Variants in SEMA6D observed in about 807,000 individuals in gnomAD.
SEMA6D encodes the protein semaphorin-6D.
In SEMA6D, 35 loss-of-function variants were observed where a neutral mutation model predicts 106.6. That is an observed-to-expected ratio of 0.33 (90% CI 0.25 to 0.44). SEMA6D has a LOEUF of 0.44. Ranked by LOEUF, SEMA6D falls within the 20% of genes least tolerant of loss-of-function variation. The pLI, the probability that SEMA6D is intolerant of heterozygous loss-of-function variation, is 1.00. For synonymous variants in SEMA6D, 499 were observed against 487.7 expected, an observed-to-expected ratio of 1.02 and a Z score of -0.31; for missense variants, 1,185 against 1,345.9, an observed-to-expected ratio of 0.88 and a Z score of 1.87.
At chr15:47,466,677 C>T (rs559855130) in intron 2 of SEMA6D, among the ~76,000 whole-genome samples, 162 of 150,852 alleles carry the variant, frequency 1.1e-3, no homozygotes, top group African/African-American at 3.5e-3. Context: ...GAATATATAC[C>T]GAGAAGTGGA....
At chr15:47,695,059 C>A (rs1199247661) in intron 4 of SEMA6D, among the ~76,000 whole-genome samples, 3 of 152,136 alleles carry the variant, frequency 2.0e-5, no homozygotes, top group Non-Finnish European at 4.4e-5. Context: ...GCCCCCAGGG[C>A]TTAAGACCTA....
chr15:47,772,201 C>T lies in SEMA6D; in HGVS notation c.*416C>T, dbSNP rs1316734730. On this transcript the variant is annotated 3_prime_UTR_variant, in exon 19 of 19. Coordinates refer to ENST00000536845, the MANE Select transcript of SEMA6D (RefSeq NM_001358351.3). ...ATGTATGCATTCACCTTGCCTCTTGCACAAATGTCAAAAAAAAGATGGTAA... is the reference window on the plus strand; with the variant it reads ...ATGTATGCATTCACCTTGCCTCTTGTACAAATGTCAAAAAAAAGATGGTAA... The T allele has an allele frequency of 6.3e-6, 1 of 158,680 alleles. No homozygotes were observed. Among genetic ancestry groups the T allele is most frequent in the Non-Finnish European group, 1.4e-5 (1 of 72,496 alleles). The allele number at this position is 158,680 out of a possible 1,614,324, so 9.8% of individuals were successfully genotyped here.
intron 4 of SEMA6D, among the ~76,000 whole-genome samples, chr15:47,602,789 T>G (rs2076690613): frequency 6.6e-6 from 1 of 152,132 alleles, no homozygotes; most frequent in Non-Finnish European, 1.5e-5. Flanking sequence ...CATCCCTGCC[T>G]TTGCAGGATG....
rs1317754160 is a variant in SEMA6D, at chr15:47,761,231, CAG to C, written c.345+13_345+14del. ...AAAGGCAAGCATAAAGTGAGTGAAA[CAG>C]AAAAATGTCTGCTAGATTTAGTCTT... On this transcript the variant is annotated intron_variant, in intron 5 of 18. Transcript: ENST00000536845. The C allele has an allele frequency of 1.9e-5, 31 of 1,613,304 alleles. No individual in the cohort carries two copies. The highest frequency in any genetic ancestry group is 2.5e-5 in the Non-Finnish European group (30 of 1,179,640).
chr15:47,439,989 T>G (rs1176409084), intron 2 of SEMA6D, among the ~76,000 whole-genome samples: 1 of 152,150 alleles, frequency 6.6e-6, no homozygotes, highest in African/African-American at 2.4e-5. Flanking sequence ...CCAACATTTA[T>G]GGAGCACATA....
chr15:47,620,132 G>A (rs1048726023), intron 4 of SEMA6D, among the ~76,000 whole-genome samples: 1 of 152,134 alleles, frequency 6.6e-6, no homozygotes. Context: ...CCCATCTTTT[G>A]CCCAGACAGC....
At chr15:47,759,209 T>C (rs1322852071) in intron 1 of SEMA6D, among the ~76,000 whole-genome samples, 1 of 152,134 alleles carries the variant, frequency 6.6e-6, no homozygotes, top group African/African-American at 2.4e-5. Context: ...AATACTCGAC[T>C]TAAGAATTTG....
intron 1 of SEMA6D, among the ~76,000 whole-genome samples, chr15:47,746,304 T>C (rs973446177): frequency 2.0e-5 from 3 of 152,212 alleles, no homozygotes; most frequent in African/African-American, 7.2e-5. Context: ...CCTTTTAAAA[T>C]AGAGTGAAAT....
At chr15:47,385,700 A>G (rs2039813403) in intron 1 of SEMA6D, among the ~76,000 whole-genome samples, 1 of 152,210 alleles carries the variant, frequency 6.6e-6, no homozygotes, top group Non-Finnish European at 1.5e-5. Context: ...AAAAACAAGA[A>G]TTATCAAGAA....
chr15:47,547,152 T>C (rs2045548535), intron 3 of SEMA6D, among the ~76,000 whole-genome samples: 1 of 152,164 alleles, frequency 6.6e-6, no homozygotes, highest in Non-Finnish European at 1.5e-5. Context: ...TTATTTCTTA[T>C]ACATCTTGAG....
At chr15:47,421,165 T>C (rs1258900502) in intron 2 of SEMA6D, among the ~76,000 whole-genome samples, 1 of 152,118 alleles carries the variant, frequency 6.6e-6, no homozygotes, top group Non-Finnish European at 1.5e-5. Flanking sequence ...TATTTCTTTA[T>C]TGACATTCCA....
intron 1 of SEMA6D, among the ~76,000 whole-genome samples, chr15:47,377,518 A>C (rs747739460): frequency 5.3e-5 from 8 of 152,202 alleles, no homozygotes; most frequent in South Asian, 4.1e-4. Flanking sequence ...TCAGGGAAGC[A>C]GTGAAGGATA....
intron 1 of SEMA6D, among the ~76,000 whole-genome samples, chr15:47,335,459 A>G (rs896752847): frequency 2.6e-4 from 39 of 152,100 alleles, no homozygotes; most frequent in African/African-American, 8.9e-4. Context: ...AACTCTCCCT[A>G]TAAATGCCAA....
intron 1 of SEMA6D, among the ~76,000 whole-genome samples, chr15:47,344,125 CT>C: frequency 6.6e-6 from 1 of 152,176 alleles, no homozygotes; most frequent in South Asian, 2.1e-4. Context: ...CACTTTTACA[CT>C]GTTGGTGGGA....
At chr15:47,256,587 G>A (rs907118594) in intron 1 of SEMA6D, among the ~76,000 whole-genome samples, 1 of 152,192 alleles carries the variant, frequency 6.6e-6, no homozygotes, top group Non-Finnish European at 1.5e-5. Flanking sequence ...TAGGCCAGGT[G>A]TGGTGGCTCA....
intron 1 of SEMA6D, among the ~76,000 whole-genome samples, chr15:47,309,864 T>C (rs2143017302): frequency 6.6e-6 from 1 of 152,312 alleles, no homozygotes; most frequent in Non-Finnish European, 1.5e-5. Flanking sequence ...GTACTCAAAG[T>C]ATGCTTTCTA....
intron 1 of SEMA6D, among the ~76,000 whole-genome samples, chr15:47,739,926 G>T (rs560696993): frequency 6.6e-6 from 1 of 152,156 alleles, no homozygotes; most frequent in African/African-American, 2.4e-5. Context: ...TAAGTTTTCC[G>T]TATATTAAGT....
chr15:47,626,948 G>A (rs1292724532), intron 4 of SEMA6D, among the ~76,000 whole-genome samples: 1 of 152,090 alleles, frequency 6.6e-6, no homozygotes, highest in Non-Finnish European at 1.5e-5. Context: ...GAGGCACAAA[G>A]GAACACTAAC....
chr15:47,328,554 C>T (rs1245456904), intron 1 of SEMA6D, among the ~76,000 whole-genome samples: 1 of 152,188 alleles, frequency 6.6e-6, no homozygotes, highest in Non-Finnish European at 1.5e-5. Flanking sequence ...TCTAGATCCT[C>T]ATCACAGCAT....
Sources: allele counts gnomAD v4.1 joint callset (sites outside exome capture counted in the v4.1 genomes callset), GRCh38; gene constraint gnomAD v4.1.1; transcripts MANE v1.5; gene names NCBI Gene and HGNC (gene_info 2026-07-23, HGNC 2026-07-21).